The following INPP5F variants were observed in gnomAD, a reference collection of about 807,000 sequenced individuals.
The protein encoded by INPP5F is phosphatidylinositide 4-phosphatase SAC2.
INPP5F carries 97 observed loss-of-function variants against 137.2 expected under a neutral mutation model. That is an observed-to-expected ratio of 0.71 (90% CI 0.60 to 0.84). The LOEUF (loss-of-function observed/expected upper bound fraction) is 0.84. INPP5F is among the 40% of genes least tolerant of loss of function. The pLI is 0.00. For synonymous variants in INPP5F, 504 were observed against 476.9 expected (o/e 1.06, Z -0.74); for missense variants, 1,271 against 1,371.9 (o/e 0.93, Z 1.16).
rs1303197469 is a variant in INPP5F, at chr10:119,787,643, AGGAGGAAG to A, written c.316-3864_316-3857del. Among the ~76,000 whole-genome samples, 1 of 150,848 alleles carries A rather than the reference AGGAGGAAG, an allele frequency of 6.6e-6. No individual in the cohort carries two copies. Among genetic ancestry groups the A allele is most frequent in the Non-Finnish European group, 1.5e-5 (1 of 67,744 alleles). The stretch of plus-strand genomic sequence containing the variant: ...GAAAGGGAAGGGGGAGGGGAAGGGG[AGGAGGAAG>A]GGAGGAAGGCAGGCAGGCAGGCAGG... On this transcript the variant is annotated intron_variant, in intron 3 of 19. Coordinates refer to ENST00000650623, the MANE Select transcript of INPP5F (RefSeq NM_014937.4). The surrounding 1 kb of genome is among the most constrained non-coding windows in gnomAD (Gnocchi z 4.1).
At chr10:119,781,581 C>T in intron 2 of INPP5F, 54 bp from the exon 3 acceptor site, 2 of 1,473,566 alleles carry the variant, frequency 1.4e-6, no homozygotes, top group Non-Finnish European at 1.8e-6. Flanking sequence ...TTCAACTTGT[C>T]AGAACAGTAG....
intron 8 of INPP5F, among the ~76,000 whole-genome samples, chr10:119,798,029 T>C (rs1198249244): frequency 7.3e-6 from 1 of 137,596 alleles, no homozygotes; most frequent in Non-Finnish European, 1.7e-5. Context: ...TATTTTTCTG[T>C]GAAAGTTTTT....
Position 119,826,666 on chromosome 10 carries a change from TC to T in INPP5F, c.2286del (p.Arg763GlyfsTer15). ...SSKPHEDIIG[I>X]RSQNQGSLAQ... ...AAACCTCACGAAGACATCATTGGTA[TC>T]AGGTCTCAAAACCAAGGTTCTTTGG... On this transcript the variant is annotated frameshift_variant, in exon 20 of 20. Coordinates refer to ENST00000650623, the MANE Select transcript of INPP5F (RefSeq NM_014937.4). LOFTEE classifies it high-confidence loss of function. 1 of 1,604,178 alleles carries T rather than the reference TC, an allele frequency of 6.2e-7. No individual in the cohort carries two copies. Among genetic ancestry groups the T allele is most frequent in the Non-Finnish European group, 8.5e-7 (1 of 1,177,468 alleles).
At chr10:119,800,282 G>A (rs899480674) in intron 9 of INPP5F, among the ~76,000 whole-genome samples, 1 of 151,868 alleles carries the variant, frequency 6.6e-6, no homozygotes, top group Non-Finnish European at 1.5e-5. Context: ...CCTGCTGGGC[G>A]TGGTGGCTCA....
At chr10:119,818,801 G>A (rs895110059) in intron 15 of INPP5F, 2 of 152,260 alleles carry the variant, frequency 1.3e-5, no homozygotes, top group Admixed American at 1.3e-4. Context: ...CAGACGGACG[G>A]ACTGACTGAC....
At chr10:119,762,033 T>A (rs1439367478) in intron 2 of INPP5F, among the ~76,000 whole-genome samples, 1 of 152,176 alleles carries the variant, frequency 6.6e-6, no homozygotes, top group East Asian at 1.9e-4. Flanking sequence ...AGAACCTCCG[T>A]ATATGAAAAG....
At chr10:119,731,246 A>C (rs1269517999) in intron 1 of INPP5F, among the ~76,000 whole-genome samples, 1 of 151,752 alleles carries the variant, frequency 6.6e-6, no homozygotes, top group Non-Finnish European at 1.5e-5. Context: ...TATGGAATTG[A>C]AATCCACCTG....
chr10:119,796,597 A>G, intron 6 of INPP5F, 118 bp from the exon 7 acceptor site: 1 of 838,866 alleles, frequency 1.2e-6, no homozygotes, highest in East Asian at 2.4e-5. Flanking sequence ...ATATGGTTGA[A>G]TAATGGAAGG....
chr10:119,798,715 G>T, intron 9 of INPP5F, 105 bp downstream of exon 9: 9 of 538,684 alleles, frequency 1.7e-5, no homozygotes, highest in South Asian at 3.0e-5. Context: ...TAAAGCATTT[G>T]TCATGAAGTT....
intron 2 of INPP5F, among the ~76,000 whole-genome samples, chr10:119,769,996 A>T (rs1034860819): frequency 1.3e-5 from 2 of 152,156 alleles, no homozygotes; most frequent in Admixed American, 1.3e-4. Context: ...AAGTGGTATG[A>T]AAATCTTTAT....
At chr10:119,824,006 G>A in intron 19 of INPP5F, 104 bp downstream of exon 19, 1 of 765,048 alleles carries the variant, frequency 1.3e-6, no homozygotes, top group East Asian at 2.7e-5. Context: ...ATTATGGTAA[G>A]GTGTTGGTAT....
chr10:119,823,029 T>C (rs755771732), intron 17 of INPP5F, 42 bp from the exon 18 acceptor site: 12 of 1,550,704 alleles, frequency 7.7e-6, no homozygotes, highest in Admixed American at 2.0e-5. Flanking sequence ...GAAAATGTTA[T>C]GTGAAACATT....
chr10:119,791,773 T>G, intron 4 of INPP5F, 96 bp from the exon 5 acceptor site: 1 of 1,324,674 alleles, frequency 7.5e-7, no homozygotes. Context: ...CTTATGCCCT[T>G]GGGATTATTT....
intron 13 of INPP5F, among the ~76,000 whole-genome samples, chr10:119,809,841 A>G (rs1356107033): frequency 6.6e-6 from 1 of 152,248 alleles, no homozygotes; most frequent in African/African-American, 2.4e-5. Flanking sequence ...AAATTCTACA[A>G]ATTGCCAAGA....
At chr10:119,806,779 T>G (rs1850808959) in intron 12 of INPP5F, among the ~76,000 whole-genome samples, 1 of 151,892 alleles carries the variant, frequency 6.6e-6, no homozygotes, top group African/African-American at 2.4e-5. Flanking sequence ...CACCCTTCTG[T>G]GTTTGGGGCT....
At chr10:119,825,090 G>T (rs1223037316) in intron 19 of INPP5F, among the ~76,000 whole-genome samples, 3 of 152,198 alleles carry the variant, frequency 2.0e-5, no homozygotes, top group Non-Finnish European at 4.4e-5. Flanking sequence ...ATCCATGTCA[G>T]TGCATTGCAT....
rs940337642 is a variant in INPP5F, at chr10:119,787,465, C to G, written c.316-4052C>G. Among the ~76,000 whole-genome samples the G allele has an allele frequency of 6.6e-6, 1 of 152,088 alleles. No individual in the cohort carries two copies. Among genetic ancestry groups the G allele is most frequent in the Non-Finnish European group, 1.5e-5 (1 of 68,004 alleles). ...CCAGGCATGATGGCATGTGCCTCAG[C>G]TACTCGGGAGGCTAAGGTGGAAGAA... On this transcript the variant is annotated intron_variant, in intron 3 of 19. Transcript: ENST00000650623. The surrounding 1 kb of genome is among the most constrained non-coding windows in gnomAD (Gnocchi z 4.1).
intron 2 of INPP5F, among the ~76,000 whole-genome samples, chr10:119,758,299 A>G (rs1468510624): frequency 6.6e-6 from 1 of 152,116 alleles, no homozygotes; most frequent in Non-Finnish European, 1.5e-5. Context: ...TCACACGGAC[A>G]GGGCCAGGGG....
At position 119,792,749 on chromosome 10, in the gene INPP5F, G is replaced by T. The variant is rs1397014315; in HGVS notation, c.669+536G>T. Among the ~76,000 whole-genome samples the T allele has an allele frequency of 2.6e-5, 4 of 151,840 alleles. No individual in the cohort carries two copies. In the South Asian group the frequency reaches 8.3e-4, roughly 32 times the overall value. On this transcript the variant is annotated intron_variant, in intron 6 of 19. Coordinates refer to ENST00000650623, the MANE Select transcript of INPP5F (RefSeq NM_014937.4). ...TGATGATTATTTTTTTCCTTTTCTTGGTCATGTATGTTGGAAAATTGACTG... is the reference window on the plus strand; with the variant it reads ...TGATGATTATTTTTTTCCTTTTCTTTGTCATGTATGTTGGAAAATTGACTG...
Sources: allele counts gnomAD v4.1 joint callset (sites outside exome capture counted in the v4.1 genomes callset), GRCh38; gene constraint gnomAD v4.1.1; non-coding constraint Gnocchi (gnomAD v3.1); transcripts MANE v1.5; gene names NCBI Gene and HGNC (gene_info 2026-07-23, HGNC 2026-07-21).